COA8: variants seen among roughly 807,000 people sequenced by gnomAD.
The protein encoded by COA8 is UPF0671 protein C14orf153.
COA8 carries 20 observed loss-of-function variants against 22.0 expected under a neutral mutation model. The ratio of observed to expected loss-of-function variants is 0.91; its 90% CI spans 0.64 to 1.32. The LOEUF (loss-of-function observed/expected upper bound fraction) is 1.32, where lower values mean the gene tolerates loss of function less well. Ranked by LOEUF, COA8 falls within the 40% of genes most tolerant of loss-of-function variation. COA8 has a pLI of 0.00. For missense variants in COA8, 266 were observed against 230.0 expected (o/e 1.16, Z -1.01); for synonymous variants, 105 against 79.9 (o/e 1.31, Z -1.68).
At chr14:103,566,272 T>C (rs917326177) in intron 1 of COA8, among the ~76,000 whole-genome samples, 1 of 151,922 alleles carries the variant, frequency 6.6e-6, no homozygotes, top group Non-Finnish European at 1.5e-5. Flanking sequence ...AATACAAAAA[T>C]TAGCCGGGCA....
chr14:103,564,835 C>A (rs976210095), intron 1 of COA8, among the ~76,000 whole-genome samples: 2 of 152,046 alleles, frequency 1.3e-5, no homozygotes, highest in Non-Finnish European at 2.9e-5. Flanking sequence ...CCTGCCTGGG[C>A]CTCCCAAAGT....
chr14:103,574,303 G>A lies in COA8; in HGVS notation c.385+133G>A, dbSNP rs79347665. ...TTGGCCTGCTTTGGGGCAGTGCTCG[G>A]CACACCCCTGTCCAAGTTCTCTTGC... On this transcript the variant is annotated intron_variant, in intron 3 of 4. Coordinates refer to ENST00000409074, the MANE Select transcript of COA8 (RefSeq NM_001370595.2). 1.9e-4 allele frequency: 223 copies of A among 1,192,138 alleles called. No individual in the cohort carries two copies. In the East Asian group the frequency reaches 5.1e-3, roughly 27 times the overall value. 73.8% of individuals were successfully genotyped at this position (1,192,138 alleles called of 1,614,324 possible).
At chr14:103,568,621 G>GTATATATATATATATATATA (rs57741003) in intron 1 of COA8, among the ~76,000 whole-genome samples, 2 of 141,854 alleles carry the variant, frequency 1.4e-5, no homozygotes, top group African/African-American at 5.3e-5. Context: ...ATGTGTGTGT[G>GTATATATATATATATATATA]TATATATATA....
At chr14:103,574,349 G>A (rs765083611) in intron 3 of COA8, 179 bp downstream of exon 3, 2 of 823,476 alleles carry the variant, frequency 2.4e-6, no homozygotes, top group South Asian at 1.4e-5. Flanking sequence ...CCCAGGCATG[G>A]CTCTCCAATC....
At chr14:103,567,954 G>A (rs1485152623) in intron 1 of COA8, among the ~76,000 whole-genome samples, 4 of 152,086 alleles carry the variant, frequency 2.6e-5, no homozygotes, top group African/African-American at 4.8e-5. Context: ...TTGCCCTTCT[G>A]GTGGATTATC....
At chr14:103,578,159 A>G (rs2076242915) in intron 3 of COA8, among the ~76,000 whole-genome samples, 1 of 151,832 alleles carries the variant, frequency 6.6e-6, no homozygotes, top group Admixed American at 6.6e-5. Flanking sequence ...GTGTCACTGC[A>G]CTCCAGCCTG....
chr14:103,576,181 C>G (rs2076228943), intron 3 of COA8, among the ~76,000 whole-genome samples: 1 of 152,152 alleles, frequency 6.6e-6, no homozygotes, highest in Non-Finnish European at 1.5e-5. Context: ...TGGCACTTGC[C>G]TGTAATCCCA....
intron 1 of COA8, among the ~76,000 whole-genome samples, chr14:103,569,890 T>C (rs940176720): frequency 6.6e-6 from 1 of 152,246 alleles, no homozygotes; most frequent in Non-Finnish European, 1.5e-5. Flanking sequence ...GGAGTCTCGC[T>C]CTGTCGCCCA....
chr14:103,565,921 C>T (rs185919414), intron 1 of COA8, among the ~76,000 whole-genome samples: 1 of 152,114 alleles, frequency 6.6e-6, no homozygotes, highest in East Asian at 1.9e-4. Context: ...GGCCCAAAGT[C>T]ACTTTTAGCT....
chr14:103,585,644 C>T (rs552900478), intron 3 of COA8, among the ~76,000 whole-genome samples: 16 of 137,260 alleles, frequency 1.2e-4, no homozygotes, highest in African/African-American at 3.7e-4. Flanking sequence ...GGTGTGAACT[C>T]GGCTCACTGC....
In COA8 at chr14:103,571,635, T is replaced by C; in HGVS notation, c.136T>C (p.Cys46Arg). 6.2e-7 allele frequency: 1 copy of C among 1,613,982 alleles called. No homozygotes were observed. The highest frequency in any genetic ancestry group is 1.1e-5 in the South Asian group (1 of 91,044). ...TACTTTGTTAAAGGTCTCAAGATTC[T>C]GCCCTCCAAGAAAGTCTTGCCATGA... ...DTAPSGVSRF[C>R]PPRKSCHDWI... Residue 46 changes from cysteine (C) to arginine (R), a missense_variant, in exon 2 of 5, where the codon TGC becomes CGC. By Grantham distance (180) the Cys-to-Arg change is radical (BLOSUM62 -3). Coordinates refer to ENST00000409074, the MANE Select transcript of COA8 (RefSeq NM_001370595.2).
Position 103,577,956 on chromosome 14 carries a change from G to A in COA8, c.385+3786G>A, listed in dbSNP as rs189478228. ...GAAGAATCGCTTGAACCCCGGAGGC[G>A]GAAGTTGCACTGAACCGAGATTGCA... On this transcript the variant is annotated intron_variant, in intron 3 of 4. Coordinates refer to ENST00000409074, the MANE Select transcript of COA8 (RefSeq NM_001370595.2). Among the ~76,000 whole-genome samples, 518 of 150,736 alleles carry A rather than the reference G, an allele frequency of 3.4e-3. 4 individuals are homozygous for A. The highest frequency in any genetic ancestry group is 0.017 in the Middle Eastern group (5 of 286).
At chr14:103,578,947 T>C (rs1240114049) in intron 3 of COA8, among the ~76,000 whole-genome samples, 1 of 152,132 alleles carries the variant, frequency 6.6e-6, no homozygotes, top group East Asian at 1.9e-4. Flanking sequence ...TGTCACACAC[T>C]AGAGAGGAAG....
At position 103,563,006 on chromosome 14, in the gene COA8, T is replaced by C; in HGVS notation, c.5T>C (p.Val2Ala). M[V>A]VLRAGKKTFL... Reference sequence around the variant, plus strand: ...GGAGCCAGGGGGCGTGGGGCCATGGTGGTCTTGCGGGCGGGGAAGAAGACC... The same window carrying C: ...GGAGCCAGGGGGCGTGGGGCCATGGCGGTCTTGCGGGCGGGGAAGAAGACC... Residue 2 changes from valine to alanine, a missense_variant, in exon 1 of 5, where the codon GTG (valine) becomes GCG (alanine). Physicochemically the swap from Val to Ala is moderately conservative, Grantham distance 64. Transcript: ENST00000409074. The C allele has an allele frequency of 1.3e-6, 2 of 1,557,692 alleles. No homozygotes were observed. The highest frequency in any genetic ancestry group is 1.7e-6 in the Non-Finnish European group (2 of 1,157,710).
chr14:103,589,374 T>A (rs897033212), intron 4 of COA8, among the ~76,000 whole-genome samples: 1 of 152,130 alleles, frequency 6.6e-6, no homozygotes, highest in African/African-American at 2.4e-5. Context: ...AGAGGAACTT[T>A]CTGTCCTGCC....
chr14:103,563,022 G>A lies in COA8; in HGVS notation c.21G>A (p.Gly7=), dbSNP rs1566975189. 3 of 1,557,242 alleles carry A rather than the reference G, an allele frequency of 1.9e-6. No homozygotes were observed. Among genetic ancestry groups the A allele is most frequent in the Non-Finnish European group, 2.6e-6 (3 of 1,157,486 alleles). ...GGGCCATGGTGGTCTTGCGGGCGGG[G>A]AAGAAGACCTTTCTCCCCCCTCTCT... MVVLRA[G]KKTFLPPLCR... Residue 7 remains glycine, a synonymous_variant, in exon 1 of 5, where the codon GGG becomes GGA. Transcript: ENST00000409074.
rs763092152 is a variant in COA8 at position 103,563,132 on chromosome 14, G to C, written c.123+8G>C. On this transcript the variant is annotated splice_region_variant and intron_variant, in intron 1 of 4. Coordinates refer to ENST00000409074, the MANE Select transcript of COA8 (RefSeq NM_001370595.2). ...GATACGGCGCCCAGCGGGGTAAGCA[G>C]GGGCCTGGGGACATTGGGCCGGGAG... 9.7e-6 allele frequency: 15 copies of C among 1,538,902 alleles called. No individual in the cohort carries two copies. Among genetic ancestry groups the C allele is most frequent in the Non-Finnish European group, 1.2e-5 (14 of 1,147,978 alleles).
chr14:103,574,006 C>T (rs2076209288), intron 2 of COA8, 101 bp from the exon 3 acceptor site: 3 of 1,382,666 alleles, frequency 2.2e-6, no homozygotes, highest in Non-Finnish European at 2.9e-6. Context: ...CACATCTAAA[C>T]TTCTCCAGTA....
intron 3 of COA8, among the ~76,000 whole-genome samples, chr14:103,577,276 A>G (rs528998497): frequency 8.3e-4 from 126 of 151,928 alleles, no homozygotes; most frequent in Admixed American, 2.6e-3. Flanking sequence ...GAGTTTCACC[A>G]TGTTGACCAG....
Sources: allele counts gnomAD v4.1 joint callset (sites outside exome capture counted in the v4.1 genomes callset), GRCh38; gene constraint gnomAD v4.1.1; transcripts MANE v1.5; gene names NCBI Gene and HGNC (gene_info 2026-07-23, HGNC 2026-07-21).